ZNF624: variants seen among roughly 807,000 people sequenced by gnomAD.
The protein encoded by ZNF624 is zinc finger protein 624.
ZNF624 carries 43 observed loss-of-function variants against 74.7 expected under a neutral mutation model. That is an observed-to-expected ratio of 0.58 (90% CI 0.45 to 0.74). The LOEUF (loss-of-function observed/expected upper bound fraction) is 0.74. Ranked by LOEUF, ZNF624 falls within the 30% of genes least tolerant of loss-of-function variation. The probability of loss-of-function intolerance (pLI) is 0.00; values close to 1 mark genes in which losing one functional copy is unlikely to be tolerated. For synonymous variants in ZNF624, 331 were observed against 341.3 expected (o/e 0.97, Z 0.33); for missense variants, 820 against 1,030.0 (o/e 0.80, Z 2.79).
At chr17:16,619,031 G>T (rs763658105), downstream of ZNF624, among the ~76,000 whole-genome samples, 1 of 152,092 alleles carries the variant, frequency 6.6e-6, no homozygotes, top group Non-Finnish European at 1.5e-5. Context: ...ATTTGGTATT[G>T]TTACAATAAT....
intron 2 of ZNF624, among the ~76,000 whole-genome samples, chr17:16,647,759 CCTA>C (rs1909628489): frequency 1.3e-5 from 2 of 152,006 alleles, no homozygotes; most frequent in South Asian, 2.1e-4. Flanking sequence ...ACACTCAAAA[CCTA>C]CTAACACTAT....
the ZNF624 span, among the ~76,000 whole-genome samples, chr17:16,614,474 T>G: frequency 6.6e-6 from 1 of 152,206 alleles, no homozygotes; most frequent in Non-Finnish European, 1.5e-5. Context: ...TTTACCAAAA[T>G]GTACACAAGA....
rs1426290373 is a variant in ZNF624 at position 16,634,729 on chromosome 17, T to C, written c.181A>G (p.Ile61Val). ...CTCCACTCCTCCAATGTGAAGTCTA[T>C]AGCCACATCCTTAAATGTCACCGAT... ...KESVTFKDVA[I>V]DFTLEEWRLM... is the part of the protein sequence containing the mutation. The change falls in exon 4 of 6, where the codon ATA (isoleucine) becomes GTA (valine). Residue 61 changes from isoleucine (I) to valine (V), a missense_variant. Coordinates refer to ENST00000311331, the MANE Select transcript of ZNF624 (RefSeq NM_020787.4). 15 of 1,613,540 alleles carry C rather than the reference T, an allele frequency of 9.3e-6. No individual in the cohort carries two copies. The highest frequency in any genetic ancestry group is 1.3e-5 in the Non-Finnish European group (15 of 1,179,668).
downstream of ZNF624, among the ~76,000 whole-genome samples, chr17:16,616,085 T>C (rs1357853239): frequency 2.0e-5 from 3 of 148,520 alleles, no homozygotes; most frequent in Non-Finnish European, 3.0e-5. Flanking sequence ...AAACATCAAA[T>C]GCATAGTACT....
At chr17:16,614,981 T>C in the ZNF624 span, among the ~76,000 whole-genome samples, 302 of 152,342 alleles carry the variant, frequency 2.0e-3, no homozygotes, top group African/African-American at 7.0e-3. Context: ...ATTCTACTTA[T>C]ATGAGGTTAT....
chr17:16,616,889 A>C (rs1436015013), downstream of ZNF624: 1 of 1,448,130 alleles, frequency 6.9e-7, no homozygotes, highest in African/African-American at 1.4e-5. Flanking sequence ...CTTGACTTTG[A>C]GCGAGATCTA....
chr17:16,647,432 T>C, intron 2 of ZNF624, 38 bp from the exon 3 acceptor site: 1 of 1,566,810 alleles, frequency 6.4e-7, no homozygotes, highest in Non-Finnish European at 8.8e-7. Flanking sequence ...AGTGATAGGC[T>C]GCCTATGACT....
intron 5 of ZNF624, among the ~76,000 whole-genome samples, chr17:16,628,414 A>G (rs1169478547): frequency 1.3e-5 from 2 of 152,232 alleles, no homozygotes; most frequent in Non-Finnish European, 2.9e-5. Flanking sequence ...GGATAACTAT[A>G]TTCAAGAACA....
rs371289302 is a variant in ZNF624 at position 16,622,358 on chromosome 17, T to C, written c.2528A>G (p.Lys843Arg). 1.2e-6 allele frequency: 2 copies of C among 1,613,396 alleles called. No homozygotes were observed. The highest frequency in any genetic ancestry group is 1.7e-6 in the Non-Finnish European group (2 of 1,179,716). Residue 843 changes from lysine (K) to arginine (R), a missense_variant, in exon 6 of 6, where the codon AAA becomes AGA. Transcript: ENST00000311331. The part of the protein sequence containing the change: ...EKPYKCNECG[K>R]AFRSSSSLTV... ...AAGGCTCGAACTACTCCTGAAGGCT[T>C]TTCCACATTCATTACATTTATAGGG...
chr17:16,626,434 TA>T (rs76442262), intron 5 of ZNF624, among the ~76,000 whole-genome samples: 21,899 of 149,550 alleles, frequency 0.15, 1,783 homozygotes, highest in East Asian at 0.36. Context: ...CAGTATCTGA[TA>T]AAAAAAAAAG....
At chr17:16,625,448 C>G (rs1344623018) in intron 5 of ZNF624, among the ~76,000 whole-genome samples, 1 of 152,222 alleles carries the variant, frequency 6.6e-6, no homozygotes, top group African/African-American at 2.4e-5. Context: ...TCCCAAAGTG[C>G]TGGGATTACA....
rs1404917884 is a variant in ZNF624, at chr17:16,624,513, G to C, written c.377-4C>G. 2 of 1,544,056 alleles carry C rather than the reference G, an allele frequency of 1.3e-6. No individual in the cohort carries two copies. The highest frequency in any genetic ancestry group is 1.7e-6 in the Non-Finnish European group (2 of 1,153,116). On this transcript the variant is annotated splice_polypyrimidine_tract_variant and splice_region_variant and intron_variant, in intron 5 of 5. Coordinates refer to ENST00000311331, the MANE Select transcript of ZNF624 (RefSeq NM_020787.4). ...GTTGCAGGTTTGGGCTCCATGTCTG[G>C]GGCAAAAAAGAGAAAAATCAAGTAA... is the stretch of plus-strand genomic sequence containing the variant.
downstream of ZNF624, among the ~76,000 whole-genome samples, chr17:16,620,166 T>C (rs1416474277): frequency 6.6e-6 from 1 of 152,202 alleles, no homozygotes; most frequent in African/African-American, 2.4e-5. Flanking sequence ...GTGTAACTCA[T>C]CATGCCTTGT....
chr17:16,641,173 T>C (rs1410874357), intron 3 of ZNF624, among the ~76,000 whole-genome samples: 1 of 152,246 alleles, frequency 6.6e-6, no homozygotes, highest in Non-Finnish European at 1.5e-5. Flanking sequence ...AGACTCTCTA[T>C]GAAAACCTAC....
At chr17:16,640,761 G>A (rs1264836321) in intron 3 of ZNF624, among the ~76,000 whole-genome samples, 1 of 152,106 alleles carries the variant, frequency 6.6e-6, no homozygotes, top group Admixed American at 6.5e-5. Context: ...AGGTTCAAAT[G>A]GTTTCATGTG....
intron 3 of ZNF624, among the ~76,000 whole-genome samples, chr17:16,640,341 T>C (rs1031585446): frequency 1.1e-4 from 16 of 152,000 alleles, no homozygotes; most frequent in Non-Finnish European, 2.1e-4. Context: ...CCTAAATTTA[T>C]ACCTTAAGGA....
intron 1 of ZNF624, among the ~76,000 whole-genome samples, chr17:16,650,468 A>G (rs1041574734): frequency 2.0e-5 from 3 of 151,838 alleles, no homozygotes; most frequent in Non-Finnish European, 4.4e-5. Context: ...TGCACAAAGC[A>G]TTAAGCTATA....
intron 2 of ZNF624, among the ~76,000 whole-genome samples, chr17:16,648,711 A>C (rs988825752): frequency 2.6e-5 from 4 of 152,186 alleles, no homozygotes; most frequent in Non-Finnish European, 5.9e-5. Flanking sequence ...CACTGCTAAA[A>C]CACAGCTTTT....
rs1908997016 is a variant in ZNF624 at position 16,623,969 on chromosome 17, CATTCATA to C, written c.910_916del (p.Tyr304ValfsTer186). ...GCTGAATGTTTTCCCACATTCATTACATTCATAAGGTTTTTCTTTAGTATGAGTTCTT... is the reference window on the plus strand; with the variant it reads ...GCTGAATGTTTTCCCACATTCATTACAGGTTTTTCTTTAGTATGAGTTCTT... On this transcript the variant is annotated frameshift_variant, in exon 6 of 6. Coordinates refer to ENST00000311331, the MANE Select transcript of ZNF624 (RefSeq NM_020787.4). LOFTEE classifies it high-confidence loss of function. This position sits in a 1 kb window ranked among gnomAD's most constrained non-coding sequence, Gnocchi z 5.3. The C allele has an allele frequency of 3.1e-6, 5 of 1,613,826 alleles. No individual in the cohort carries two copies. In the South Asian group the frequency reaches 5.5e-5, roughly 18 times the overall value.
Sources: gnomAD v4.1 joint callset for allele counts (sites outside exome capture counted in the v4.1 genomes callset) on GRCh38, gnomAD v4.1.1 for gene constraint, Gnocchi (gnomAD v3.1) non-coding constraint, MANE v1.5 for transcripts, NCBI Gene and HGNC (gene_info 2026-07-23, HGNC 2026-07-21) for gene names.